Variants in HS6ST3 observed in about 807,000 individuals in gnomAD.
HS6ST3 encodes the protein heparan-sulfate 6-O-sulfotransferase 3.
HS6ST3 carries 12 observed loss-of-function variants against 36.7 expected under a neutral mutation model. That is an observed-to-expected ratio of 0.33 (90% confidence interval 0.21 to 0.53). HS6ST3 has a LOEUF of 0.53. Among genes scored for constraint, HS6ST3 ranks in the 20% least tolerant of loss-of-function variants. The probability of loss-of-function intolerance (pLI) is 0.95; values close to 1 mark genes in which losing one functional copy is unlikely to be tolerated. For synonymous variants in HS6ST3, 240 were observed against 257.5 expected (o/e 0.93, Z 0.65); for missense variants, 584 against 640.9 (o/e 0.91, Z 0.96).
intron 1 of HS6ST3, among the ~76,000 whole-genome samples, chr13:96,258,951 T>A (rs1172125817): frequency 6.6e-6 from 1 of 152,100 alleles, no homozygotes; most frequent in Admixed American, 6.5e-5. Context: ...TGAGGAAGTG[T>A]CTCACTCTAA....
chr13:96,339,999 G>T (rs192400304), intron 1 of HS6ST3, among the ~76,000 whole-genome samples: 1 of 152,194 alleles, frequency 6.6e-6, no homozygotes, highest in Admixed American at 6.5e-5. Context: ...GTCCAGTTGC[G>T]TAAGGTGAAC....
intron 1 of HS6ST3, among the ~76,000 whole-genome samples, chr13:96,160,021 AT>A (rs2054128602): frequency 6.6e-6 from 1 of 152,200 alleles, no homozygotes; most frequent in African/African-American, 2.4e-5. Flanking sequence ...ATTTTGTAAT[AT>A]TTTTATGAAG....
intron 1 of HS6ST3, among the ~76,000 whole-genome samples, chr13:96,583,273 G>A (rs928762317): frequency 1.2e-4 from 14 of 112,590 alleles, no homozygotes; most frequent in Non-Finnish European, 8.2e-5. Flanking sequence ...GTGTGCAATG[G>A]TGCCATCTCG....
At chr13:96,651,745 C>A (rs973361853) in intron 1 of HS6ST3, among the ~76,000 whole-genome samples, 11 of 152,196 alleles carry the variant, frequency 7.2e-5, no homozygotes, top group Admixed American at 1.3e-4. Context: ...CCTCATATTA[C>A]TTCGTTTATT....
At chr13:96,397,753 C>T (rs962789153) in intron 1 of HS6ST3, among the ~76,000 whole-genome samples, 3 of 152,156 alleles carry the variant, frequency 2.0e-5, no homozygotes, top group African/African-American at 4.8e-5. Flanking sequence ...TTAGAGTTTA[C>T]ACAGAACTTA....
chr13:96,255,576 T>G (rs924365365), intron 1 of HS6ST3, among the ~76,000 whole-genome samples: 1 of 152,182 alleles, frequency 6.6e-6, no homozygotes, highest in African/African-American at 2.4e-5. Context: ...ATAGAAGATA[T>G]GTATTTTAAC....
At chr13:96,358,660 T>C (rs1162661309) in intron 1 of HS6ST3, among the ~76,000 whole-genome samples, 1 of 152,130 alleles carries the variant, frequency 6.6e-6, no homozygotes, top group Admixed American at 6.6e-5. Context: ...GAGAAAACTA[T>C]AAATGATATT....
intron 1 of HS6ST3, among the ~76,000 whole-genome samples, chr13:96,730,796 C>T (rs1044990624): frequency 1.5e-4 from 23 of 152,192 alleles, no homozygotes; most frequent in Admixed American, 9.8e-4. Flanking sequence ...TGAAGGGGCA[C>T]TATCATGGTT....
At chr13:96,306,500 C>T (rs370805365) in intron 1 of HS6ST3, among the ~76,000 whole-genome samples, 3 of 152,106 alleles carry the variant, frequency 2.0e-5, no homozygotes, top group African/African-American at 4.8e-5. Context: ...CGTGAGTCAC[C>T]GCACCCGGCT....
At chr13:96,315,268 A>C (rs2054962834) in intron 1 of HS6ST3, among the ~76,000 whole-genome samples, 2 of 152,202 alleles carry the variant, frequency 1.3e-5, no homozygotes, top group African/African-American at 4.8e-5. Flanking sequence ...AAGCCATTAC[A>C]AAGAAACCGA....
intron 1 of HS6ST3, among the ~76,000 whole-genome samples, chr13:96,600,806 G>A (rs926269099): frequency 3.9e-5 from 6 of 151,954 alleles, no homozygotes; most frequent in African/African-American, 1.5e-4. Context: ...GGTGTGTAAT[G>A]ACCTTGTTTC....
At chr13:96,686,620 C>T (rs539070) in intron 1 of HS6ST3, among the ~76,000 whole-genome samples, 149,843 of 152,126 alleles carry the variant, frequency 0.98, 73,835 homozygotes, top group Middle Eastern at 1. Flanking sequence ...TGTATGACAG[C>T]GGGCCTATGT....
chr13:96,158,689 A>G (rs2054122085), intron 1 of HS6ST3, among the ~76,000 whole-genome samples: 1 of 147,580 alleles, frequency 6.8e-6, no homozygotes, highest in Non-Finnish European at 1.5e-5. Context: ...AGAAGAAGAG[A>G]GCCTTGGAAA....
At chr13:96,223,657 G>A (rs564100746) in intron 1 of HS6ST3, among the ~76,000 whole-genome samples, 4 of 152,016 alleles carry the variant, frequency 2.6e-5, no homozygotes, top group African/African-American at 7.2e-5. Context: ...TGGATATGGG[G>A]GGGGGGAAGT....
chr13:96,451,656 C>T (rs1242092846), intron 1 of HS6ST3, among the ~76,000 whole-genome samples: 1 of 152,124 alleles, frequency 6.6e-6, no homozygotes, highest in East Asian at 1.9e-4. Flanking sequence ...TCCTTCTAGG[C>T]CATCTTCTTC....
chr13:96,575,953 G>C (rs1225846649), intron 1 of HS6ST3, among the ~76,000 whole-genome samples: 1 of 152,174 alleles, frequency 6.6e-6, no homozygotes, highest in Non-Finnish European at 1.5e-5. Flanking sequence ...CAAGTGGATT[G>C]GGTGCCACGC....
chr13:96,560,805 A>C (rs563401910), intron 1 of HS6ST3, among the ~76,000 whole-genome samples: 11 of 152,308 alleles, frequency 7.2e-5, no homozygotes, highest in Admixed American at 1.3e-4. Context: ...AATACCTAGA[A>C]ATACATCTAA....
At chr13:96,794,927 G>C (rs77195440) in intron 1 of HS6ST3, among the ~76,000 whole-genome samples, 5,955 of 152,136 alleles carry the variant, frequency 0.039, 389 homozygotes, top group African/African-American at 0.14. Context: ...TTTTCTTCCA[G>C]ATGGAAGCAA....
chr13:96,212,146 T>G (rs527421242), intron 1 of HS6ST3, among the ~76,000 whole-genome samples: 1 of 152,204 alleles, frequency 6.6e-6, no homozygotes, highest in Non-Finnish European at 1.5e-5. Flanking sequence ...AGCTTTTTTG[T>G]AGAATTTTTG....
Sources: allele counts gnomAD v4.1 joint callset (sites outside exome capture counted in the v4.1 genomes callset), GRCh38; gene constraint gnomAD v4.1.1; transcripts MANE v1.5; gene names NCBI Gene and HGNC (gene_info 2026-07-23, HGNC 2026-07-21).